Variants in ANK1 observed in about 807,000 individuals in gnomAD.
The protein encoded by ANK1 is ankyrin 1, also known as ankyrin-1.
In ANK1, 51 loss-of-function variants were observed where a neutral mutation model predicts 210.4. That is an observed-to-expected ratio of 0.24 (90% CI 0.19 to 0.31). ANK1 has a LOEUF of 0.31. ANK1 is among the 10% of genes least tolerant of loss of function. The pLI, the probability that ANK1 is intolerant of heterozygous loss-of-function variation, is 1.00. For missense variants in ANK1, 2,051 were observed against 2,504.4 expected (o/e 0.82, Z 3.86); for synonymous variants, 967 against 1,025.9 (o/e 0.94, Z 1.10).
intron 1 of ANK1, among the ~76,000 whole-genome samples, chr8:41,785,202 T>C (rs7813245): frequency 0.028 from 4,198 of 151,960 alleles, 204 homozygotes; most frequent in African/African-American, 0.094. Flanking sequence ...TACAAAAAAT[T>C]TTTAAAAAAT....
chr8:41,793,850 G>A (rs1848228831), intron 1 of ANK1, among the ~76,000 whole-genome samples: 1 of 152,164 alleles, frequency 6.6e-6, no homozygotes, highest in South Asian at 2.1e-4. Context: ...ATTAAGTAGG[G>A]AGCATCTATG....
In ANK1 at chr8:41,704,183, G is replaced by T; in HGVS notation, c.2197-44C>A. 1 of 1,546,862 alleles carries T rather than the reference G, an allele frequency of 6.5e-7. No homozygotes were observed. Among genetic ancestry groups the T allele is most frequent in the Non-Finnish European group, 8.9e-7 (1 of 1,120,038 alleles). On this transcript the variant is annotated intron_variant, in intron 19 of 42. Transcript: ENST00000289734. This position sits in a 1 kb window ranked among gnomAD's most constrained non-coding sequence, Gnocchi z 4.1. The stretch of plus-strand genomic sequence containing the variant: ...TTTAGGCAGGGTTAGCCAGCCACTA[G>T]ACAGAGACCTGCCTACACATGATAG...
chr8:41,655,768 G>T lies in ANK1; in HGVS notation c.*37-15C>A. 6.2e-7 allele frequency: 1 copy of T among 1,613,892 alleles called. No individual in the cohort carries two copies. ...GAGGTGTGATCCTGGGAGACACAAA[G>T]AGAGAAGGAGTCACTTAGAATGCAA... On this transcript the variant is annotated splice_polypyrimidine_tract_variant and intron_variant, in intron 42 of 42. Transcript: ENST00000289734.
intron 1 of ANK1, among the ~76,000 whole-genome samples, chr8:41,834,572 A>G (rs1255255309): frequency 1.3e-5 from 2 of 152,200 alleles, no homozygotes; most frequent in Non-Finnish European, 2.9e-5. Context: ...CGTTTCAGCC[A>G]CAGTTGCACA....
At chr8:41,823,683 G>A (rs968271153) in intron 1 of ANK1, among the ~76,000 whole-genome samples, 10 of 152,002 alleles carry the variant, frequency 6.6e-5, no homozygotes, top group Admixed American at 3.9e-4. Context: ...AGGATTGCTT[G>A]AGTCTGGGAG....
intron 1 of ANK1, among the ~76,000 whole-genome samples, chr8:41,886,104 A>G (rs1818394698): frequency 6.6e-6 from 1 of 152,226 alleles, no homozygotes; most frequent in Admixed American, 6.5e-5. Context: ...CAAGGCCCAC[A>G]TTTTTTAAGT....
intron 1 of ANK1, among the ~76,000 whole-genome samples, chr8:41,879,686 T>TC (rs1372386072): frequency 6.6e-6 from 1 of 152,060 alleles, no homozygotes; most frequent in African/African-American, 2.4e-5. Flanking sequence ...CATTGGAGCT[T>TC]CCCCCGGCGA....
In ANK1 at chr8:41,664,687, T is replaced by G. The variant is rs530779551; in HGVS notation, c.5395-945A>C. ...AACATGATCCCTGGGGGCCTCCTGGTCCTTTTCCTCCGGCGTCTCCCAACT... is the reference window on the plus strand; with the variant it reads ...AACATGATCCCTGGGGGCCTCCTGGGCCTTTTCCTCCGGCGTCTCCCAACT... On this transcript the variant is annotated intron_variant, in intron 39 of 42. Coordinates refer to ENST00000289734, the MANE Select transcript of ANK1 (RefSeq NM_000037.4). 82 of 1,043,798 alleles carry G rather than the reference T, an allele frequency of 7.9e-5. No individual in the cohort carries two copies. The African/African-American group carries it at 1.2e-3, about 15-fold the overall frequency. The allele number at this position is 1,043,798 out of a possible 1,614,324, so 64.7% of individuals were successfully genotyped here. A position where few individuals can be genotyped will look rare whatever the true frequency, so the allele number is the denominator to read the frequency against.
chr8:41,714,381 C>A, intron 15 of ANK1, 127 bp from the exon 16 acceptor site: 1 of 719,964 alleles, frequency 1.4e-6, no homozygotes, highest in South Asian at 3.7e-5. Context: ...CCAGGCCAGT[C>A]TTAACTTGGA....
intron 1 of ANK1, among the ~76,000 whole-genome samples, chr8:41,766,636 A>T (rs980847831): frequency 1.3e-5 from 2 of 152,106 alleles, no homozygotes; most frequent in Non-Finnish European, 2.9e-5. Context: ...GTGGGCTGGG[A>T]CGTCACTGGG....
intron 22 of ANK1, chr8:41,700,366 G>C: frequency 1.3e-6 from 2 of 1,510,902 alleles, no homozygotes; most frequent in South Asian, 2.3e-5. Flanking sequence ...GTGAGCATCA[G>C]GGTTGCTTAG....
chr8:41,831,578 T>C (rs1385083971), intron 1 of ANK1, among the ~76,000 whole-genome samples: 2 of 147,348 alleles, frequency 1.4e-5, no homozygotes, highest in Non-Finnish European at 3.0e-5. Flanking sequence ...AACCCAGGAA[T>C]TGGAGGTTAC....
intron 2 of ANK1, among the ~76,000 whole-genome samples, chr8:41,744,156 T>G (rs1835481455): frequency 6.6e-6 from 1 of 152,136 alleles, no homozygotes; most frequent in African/African-American, 2.4e-5. Flanking sequence ...CATGGGAGTA[T>G]CAGGTTGAAA....
chr8:41,709,441 A>G (rs1825572581), intron 16 of ANK1, among the ~76,000 whole-genome samples: 1 of 152,242 alleles, frequency 6.6e-6, no homozygotes, highest in Non-Finnish European at 1.5e-5. Context: ...GCACCTGGCA[A>G]GGGACTTGAG....
intron 1 of ANK1, among the ~76,000 whole-genome samples, chr8:41,777,161 G>GA (rs1844237125): frequency 6.6e-6 from 1 of 152,170 alleles, no homozygotes; most frequent in Non-Finnish European, 1.5e-5. Flanking sequence ...CTTATCTGCA[G>GA]AAAACTCTGC....
intron 1 of ANK1, among the ~76,000 whole-genome samples, chr8:41,769,982 T>TTC (rs1842694200): frequency 1.4e-5 from 2 of 140,430 alleles, no homozygotes; most frequent in South Asian, 4.6e-4. Flanking sequence ...TTTTTCTTTT[T>TTC]TTTTTTTTTT....
chr8:41,656,987 C>T (rs1034152594), intron 42 of ANK1, among the ~76,000 whole-genome samples: 1 of 152,154 alleles, frequency 6.6e-6, no homozygotes, highest in African/African-American at 2.4e-5. Flanking sequence ...TGACTGTCTC[C>T]TCTAAGCCTC....
At chr8:41,815,775 A>G (rs1178762480) in intron 1 of ANK1, among the ~76,000 whole-genome samples, 1 of 152,194 alleles carries the variant, frequency 6.6e-6, no homozygotes, top group Non-Finnish European at 1.5e-5. Context: ...ACATTTGATG[A>G]CTGCATATTT....
At chr8:41,778,970 G>A (rs1844712000) in intron 1 of ANK1, among the ~76,000 whole-genome samples, 1 of 152,212 alleles carries the variant, frequency 6.6e-6, no homozygotes, top group Non-Finnish European at 1.5e-5. Context: ...CCACAGGGAA[G>A]TGGTGAGTGC....
Sources: gnomAD v4.1 joint callset for allele counts (sites outside exome capture counted in the v4.1 genomes callset) on GRCh38, gnomAD v4.1.1 for gene constraint, Gnocchi (gnomAD v3.1) non-coding constraint, MANE v1.5 for transcripts, NCBI Gene and HGNC (gene_info 2026-07-23, HGNC 2026-07-21) for gene names.